URI1: variants seen among roughly 807,000 people sequenced by gnomAD.
URI1 encodes unconventional prefoldin RPB5 interactor 1.
URI1 carries 39 observed loss-of-function variants against 60.2 expected under a neutral mutation model. The ratio of observed to expected loss-of-function variants is 0.65; its 90% CI spans 0.50 to 0.85. The LOEUF (loss-of-function observed/expected upper bound fraction) is 0.85, where lower values mean the gene tolerates loss of function less well. Among genes scored for constraint, URI1 ranks in the 40% least tolerant of loss-of-function variants. The pLI, the probability that URI1 is intolerant of heterozygous loss-of-function variation, is 0.00. For synonymous variants in URI1, 251 were observed against 236.8 expected (o/e 1.06, Z -0.55); for missense variants, 691 against 665.9 (o/e 1.04, Z -0.42).
chr19:29,995,081 C>T (rs1245810744), intron 4 of URI1, among the ~76,000 whole-genome samples: 4 of 152,016 alleles, frequency 2.6e-5, no homozygotes, highest in Non-Finnish European at 5.9e-5. Context: ...CACGCCCGGC[C>T]CTATGTTGTA....
intron 4 of URI1, among the ~76,000 whole-genome samples, chr19:29,994,277 A>G (rs1411722103): frequency 6.6e-6 from 1 of 152,038 alleles, no homozygotes. Context: ...CTAACTAGCT[A>G]ACTTACTGTC....
At position 29,942,769 on chromosome 19, in the gene URI1, CGGAGGGAACGGGGA is replaced by C. The variant is rs1042735293; in HGVS notation, c.117+106_117+119del. 16 of 1,193,450 alleles carry C rather than the reference CGGAGGGAACGGGGA, an allele frequency of 1.3e-5. No homozygotes were observed. The East Asian group carries it at 3.0e-4, about 23-fold the overall frequency. The allele number at this position is 1,193,450 out of a possible 1,614,324, so 73.9% of individuals were successfully genotyped here. On this transcript the variant is annotated intron_variant, in intron 1 of 10. Transcript: ENST00000392271. ...GCCTAGGCCCAGCTGCCCGGGCCCC[CGGAGGGAACGGGGA>C]TAAACTTTTGTCACGTGCTTCTGTT...
chr19:29,961,778 T>C (rs191930079), intron 1 of URI1, among the ~76,000 whole-genome samples: 2 of 151,618 alleles, frequency 1.3e-5, no homozygotes, highest in African/African-American at 4.8e-5. Flanking sequence ...CTCTATCTCC[T>C]GGGTTCAAGT....
At chr19:29,979,683 T>C (rs2055568436) in intron 2 of URI1, among the ~76,000 whole-genome samples, 1 of 152,196 alleles carries the variant, frequency 6.6e-6, no homozygotes, top group Non-Finnish European at 1.5e-5. Context: ...TCTTGGTATC[T>C]ATGTCTAATA....
At chr19:29,956,900 G>T in intron 1 of URI1, 1 of 1,258,008 alleles carries the variant, frequency 7.9e-7, no homozygotes. Context: ...GGTTCCTCTG[G>T]GGCCCTTTAT....
rs1476547141 is a variant in URI1, at chr19:29,942,329, C to T, written c.-219C>T. On this transcript the variant is annotated 5_prime_UTR_variant, in exon 1 of 11. Transcript: ENST00000392271. Reference sequence around the variant, plus strand: ...CTGGCAGGCGGCCTGCTACTCGGAGCCCGCTGCGGGGCGGCGGCGGCGGGG... The same window carrying T: ...CTGGCAGGCGGCCTGCTACTCGGAGTCCGCTGCGGGGCGGCGGCGGCGGGG... 1.1e-5 allele frequency: 11 copies of T among 985,176 alleles called. No individual in the cohort carries two copies. In the East Asian group the frequency reaches 5.7e-4, roughly 51 times the overall value. 61.0% of individuals were successfully genotyped at this position (985,176 alleles called of 1,614,324 possible).
chr19:30,012,450 C>T lies in URI1; in HGVS notation c.1344C>T (p.Cys448=), dbSNP rs776680830. 2.0e-5 allele frequency: 32 copies of T among 1,614,142 alleles called. No individual in the cohort carries two copies. In the Middle Eastern group the frequency reaches 4.9e-4, roughly 25 times the overall value. The change falls in exon 10 of 11, where the codon TGC becomes TGT. Residue 448 remains cysteine (C), a synonymous_variant. Coordinates refer to ENST00000392271, the MANE Select transcript of URI1 (RefSeq NM_003796.3). The stretch of plus-strand genomic sequence containing the variant: ...GTATCAGCTGCGAAGAAGCCACTTG[C>T]AGTGACACCAGTGAGAGCATTTTGG... ...LRSISCEEAT[C]SDTSESILEE... is the part of the protein sequence containing the mutation.
chr19:29,950,194 A>G (rs1458650907), intron 1 of URI1, among the ~76,000 whole-genome samples: 1 of 12,842 alleles, frequency 7.8e-5, no homozygotes, highest in African/African-American at 3.4e-4. Context: ...TCAAGGAGGA[A>G]AAAACCCATT....
rs778784003 is a variant in URI1 at position 30,015,548 on chromosome 19, G to C, written c.*479G>C. Reference sequence around the variant, plus strand: ...ACTTCTCTTGTAGGTTTTGCGGCTAGTTGGCTATTCAAGAAACCTCGCCCC... The same window carrying C: ...ACTTCTCTTGTAGGTTTTGCGGCTACTTGGCTATTCAAGAAACCTCGCCCC... On this transcript the variant is annotated 3_prime_UTR_variant, in exon 11 of 11. Transcript: ENST00000392271. 9 of 1,535,104 alleles carry C rather than the reference G, an allele frequency of 5.9e-6. No homozygotes were observed. Among genetic ancestry groups the C allele is most frequent in the Non-Finnish European group, 7.9e-6 (9 of 1,146,330 alleles).
intron 1 of URI1, among the ~76,000 whole-genome samples, chr19:29,951,038 G>A (rs1424535137): frequency 6.6e-6 from 1 of 152,202 alleles, no homozygotes; most frequent in Admixed American, 6.5e-5. Flanking sequence ...AGCTCCGAAG[G>A]CTGAGGCAGG....
intron 2 of URI1, among the ~76,000 whole-genome samples, chr19:29,974,942 A>G (rs1208952403): frequency 1.3e-5 from 2 of 152,220 alleles, no homozygotes; most frequent in Non-Finnish European, 2.9e-5. Flanking sequence ...GTAGTAGTCC[A>G]TAGTATATAT....
intron 1 of URI1, among the ~76,000 whole-genome samples, chr19:29,929,723 G>A (rs1467699492): frequency 1.3e-5 from 2 of 152,090 alleles, no homozygotes; most frequent in African/African-American, 4.8e-5. Context: ...ATCTTTTCAT[G>A]TGCCTATTGG....
rs538395431 is a variant in URI1 at position 29,971,660 on chromosome 19, A to G, written c.152+433A>G. 2.6e-5 allele frequency among the ~76,000 whole-genome samples: 4 copies of G among 151,402 alleles called. No homozygotes were observed. The South Asian group carries it at 8.3e-4, about 32-fold the overall frequency. On this transcript the variant is annotated intron_variant, in intron 2 of 10. Transcript: ENST00000392271. ...GTTTGAAAAAAAAATCTAATTTTCT[A>G]CTTTTCAGAGCTTGTTTTATTGACT...
At chr19:29,943,743 G>A (rs2055062564) in intron 1 of URI1, among the ~76,000 whole-genome samples, 1 of 152,002 alleles carries the variant, frequency 6.6e-6, no homozygotes, top group Non-Finnish European at 1.5e-5. Flanking sequence ...GTTCTGGTTG[G>A]TTTAAATTAT....
intron 2 of URI1, among the ~76,000 whole-genome samples, chr19:29,974,873 G>C (rs2055501489): frequency 6.6e-6 from 1 of 152,134 alleles, no homozygotes; most frequent in Non-Finnish European, 1.5e-5. Context: ...GTTCGCTTAG[G>C]ATAGTGGCCT....
chr19:29,969,452 A>G (rs191567025), intron 1 of URI1, among the ~76,000 whole-genome samples: 55 of 152,354 alleles, frequency 3.6e-4, no homozygotes, highest in African/African-American at 9.4e-4. Context: ...TAGGTAGACT[A>G]TCTTCTATAA....
upstream of URI1, among the ~76,000 whole-genome samples, chr19:29,938,779 C>T: frequency 6.6e-6 from 1 of 151,218 alleles, no homozygotes; most frequent in East Asian, 2.0e-4. Flanking sequence ...CGGGTTCATG[C>T]CATTCTCCTG....
At chr19:29,997,358 A>G (rs1216459648) in intron 4 of URI1, among the ~76,000 whole-genome samples, 4 of 152,278 alleles carry the variant, frequency 2.6e-5, no homozygotes, top group Non-Finnish European at 5.9e-5. Context: ...CTATTTCTGT[A>G]TAATCCCATT....
intron 10 of URI1, 35 bp downstream of exon 10, chr19:30,012,566 A>G (rs1448269959): frequency 1.6e-5 from 25 of 1,599,138 alleles, no homozygotes; most frequent in Non-Finnish European, 2.1e-5. Flanking sequence ...TTTATTTCAT[A>G]TAGTATCTTT....
Sources: allele counts gnomAD v4.1 joint callset (sites outside exome capture counted in the v4.1 genomes callset), GRCh38; gene constraint gnomAD v4.1.1; transcripts MANE v1.5; gene names NCBI Gene and HGNC (gene_info 2026-07-23, HGNC 2026-07-21).